PMPCB: variants seen among roughly 807,000 people sequenced by gnomAD.
PMPCB encodes the protein peptidase, mitochondrial processing subunit beta.
PMPCB carries 46 observed loss-of-function variants against 61.5 expected under a neutral mutation model. The observed-to-expected ratio is 0.75, with a 90% CI of 0.59 to 0.96. PMPCB has a LOEUF of 0.96. PMPCB is among the 40% of genes least tolerant of loss of function. The pLI, the probability that PMPCB is intolerant of heterozygous loss-of-function variation, is 0.00. For missense variants in PMPCB, 590 were observed against 602.4 expected, an observed-to-expected ratio of 0.98 and a Z score of 0.22; for synonymous variants, 191 against 201.6, an observed-to-expected ratio of 0.95 and a Z score of 0.44.
downstream of PMPCB, chr7:103,316,620 GT>G: frequency 2.0e-6 from 1 of 503,866 alleles, no homozygotes; most frequent in Non-Finnish European, 3.5e-6. Flanking sequence ...TGAGAAACAA[GT>G]ATTCTGTCAT....
chr7:103,326,463 GAGGGAA>G, intron 12 of PMPCB: 2 of 1,372,442 alleles, frequency 1.5e-6, no homozygotes, highest in South Asian at 1.2e-5. Context: ...ACTATTATCA[GAGGGAA>G]AGAGCAGAAA....
chr7:103,344,185 T>G, the PMPCB span: 1 of 247,084 alleles, frequency 4.0e-6, no homozygotes, highest in East Asian at 8.3e-5. Flanking sequence ...GTAGCAAAGC[T>G]TTGTACGACC....
chr7:103,322,082 C>T (rs1208838785), intron 12 of PMPCB: 1 of 1,593,774 alleles, frequency 6.3e-7, no homozygotes, highest in South Asian at 1.2e-5. Flanking sequence ...CTTGTCTTTG[C>T]TTTAAAAAAA....
At chr7:103,300,579 T>TA (rs1817422701) in intron 4 of PMPCB, among the ~76,000 whole-genome samples, 1 of 152,232 alleles carries the variant, frequency 6.6e-6, no homozygotes, top group Non-Finnish European at 1.5e-5. Context: ...GTTTGTTAGT[T>TA]ACCATGTTTG....
At chr7:103,308,420 G>C (rs1259895941) in intron 7 of PMPCB, among the ~76,000 whole-genome samples, 4 of 152,218 alleles carry the variant, frequency 2.6e-5, no homozygotes, top group African/African-American at 9.6e-5. Flanking sequence ...TTAGGAGTTT[G>C]AGACCAGCCT....
Position 103,311,866 on chromosome 7 carries a change from T to C in PMPCB, c.1299T>C (p.Ile433=). The change falls in exon 11 of 13, where the codon ATT becomes ATC. Residue 433 remains isoleucine, a synonymous_variant. Coordinates refer to ENST00000249269, the MANE Select transcript of PMPCB (RefSeq NM_004279.3). ...AAATGTTATGCTATAATAGAAGGAT[T>C]CCCATCCCTGAGCTTGAAGCAAGAA... The part of the protein sequence containing the change: ...GRQMLCYNRR[I]PIPELEARID... The C allele has an allele frequency of 6.2e-7, 1 of 1,612,742 alleles. No homozygotes were observed. Among genetic ancestry groups the C allele is most frequent in the Admixed American group, 1.7e-5 (1 of 59,932 alleles).
At position 103,313,268 on chromosome 7, in the gene PMPCB, A is replaced by G. The variant is rs1817860036; in HGVS notation, c.*997A>G. On this transcript the variant is annotated 3_prime_UTR_variant, in exon 13 of 13. Coordinates refer to ENST00000249269, the MANE Select transcript of PMPCB (RefSeq NM_004279.3). ...ATATAGCCCTCTGAGTGTTAATAAGAGAAAAAATTTCAGATAGCTCACATC... is the reference window on the plus strand; with the variant it reads ...ATATAGCCCTCTGAGTGTTAATAAGGGAAAAAATTTCAGATAGCTCACATC... 1 of 1,345,398 alleles carries G rather than the reference A, an allele frequency of 7.4e-7. No homozygotes were observed. The highest frequency in any genetic ancestry group is 1.5e-5 in the African/African-American group (1 of 66,538). 83.3% of individuals were successfully genotyped at this position (1,345,398 alleles called of 1,614,324 possible).
chr7:103,329,881 A>G (rs911450584), downstream of PMPCB, among the ~76,000 whole-genome samples: 9 of 152,204 alleles, frequency 5.9e-5, no homozygotes, highest in Non-Finnish European at 8.8e-5. Context: ...TACAAATAAT[A>G]TATTTATTTC....
downstream of PMPCB, among the ~76,000 whole-genome samples, chr7:103,332,294 T>C (rs888112452): frequency 4.6e-5 from 7 of 152,232 alleles, no homozygotes; most frequent in African/African-American, 1.7e-4. Flanking sequence ...CGTGAGCCAC[T>C]GCACCCAGCG....
intron 12 of PMPCB, chr7:103,326,418 G>GGAGGAA (rs1818709898): frequency 3.2e-6 from 3 of 929,320 alleles, no homozygotes; most frequent in Non-Finnish European, 5.0e-6. Context: ...AGGAGGAGGA[G>GGAGGAA]GAGGAAGAGA....
chr7:103,312,405 AC>A lies in PMPCB; in HGVS notation c.*138del. The A allele has an allele frequency of 6.6e-7, 1 of 1,510,892 alleles. No homozygotes were observed. The highest frequency in any genetic ancestry group is 1.3e-5 in the South Asian group (1 of 76,974). The allele number at this position is 1,510,892 out of a possible 1,614,324, so 93.6% of individuals were successfully genotyped here. On this transcript the variant is annotated 3_prime_UTR_variant, in exon 13 of 13. Coordinates refer to ENST00000249269, the MANE Select transcript of PMPCB (RefSeq NM_004279.3). ...CATACTTTCAAAGGATAAAAAGACT[AC>A]CCCTCTGAAGGTTGTTTTGTATTAA...
intron 9 of PMPCB, chr7:103,311,147 T>C (rs1297954645): frequency 6.5e-6 from 1 of 153,618 alleles, no homozygotes; most frequent in Non-Finnish European, 1.4e-5. Flanking sequence ...GTATATTGAG[T>C]CGATAGATGG....
intron 1 of PMPCB, 66 bp downstream of exon 1, chr7:103,297,624 A>G: frequency 1.3e-6 from 2 of 1,599,372 alleles, no homozygotes; most frequent in African/African-American, 1.3e-5. Context: ...CGCACCTGAG[A>G]GTCGGCGCCA....
In PMPCB at chr7:103,299,536, T is replaced by A. The variant is rs763540634; in HGVS notation, c.327+7T>A. ...GGAGCATATGGCTTTCAAGGCAAGT[T>A]GTAAGACTTTACAAAAATGCACTCT... On this transcript the variant is annotated splice_region_variant and intron_variant, in intron 3 of 12. Coordinates refer to ENST00000249269, the MANE Select transcript of PMPCB (RefSeq NM_004279.3). 6.3e-7 allele frequency: 1 copy of A among 1,581,962 alleles called. No homozygotes were observed. The highest frequency in any genetic ancestry group is 2.2e-5 in the East Asian group (1 of 44,668).
chr7:103,316,485 T>C, downstream of PMPCB: 1 of 228,838 alleles, frequency 4.4e-6, no homozygotes, highest in Non-Finnish European at 8.4e-6. Flanking sequence ...AAGCTCCAGC[T>C]TGAGGTGGGA....
chr7:103,343,350 T>G, the PMPCB span, among the ~76,000 whole-genome samples: 2 of 152,134 alleles, frequency 1.3e-5, no homozygotes, highest in African/African-American at 4.8e-5. Context: ...TCTTAAAAAT[T>G]TTAAGAATTC....
downstream of PMPCB, among the ~76,000 whole-genome samples, chr7:103,332,097 C>T (rs1053243493): frequency 3.3e-5 from 5 of 151,444 alleles, no homozygotes; most frequent in Non-Finnish European, 7.4e-5. Flanking sequence ...CTCTGCCTCT[C>T]GGGTTCATGC....
chr7:103,300,262 C>T lies in PMPCB; in HGVS notation c.412C>T (p.Gln138Ter). The change falls in exon 4 of 13, where the codon CAG becomes TAG. Residue 138 changes from glutamine to a stop codon, truncating the protein, a stop_gained. Coordinates refer to ENST00000249269, the MANE Select transcript of PMPCB (RefSeq NM_004279.3). LOFTEE classifies it high-confidence loss of function. ...AHLNAYTSRE[Q>*]TVYYAKAFSK... ...TCTCAATGCCTATACCTCCAGAGAG[C>T]AGACTGTATACTATGCCAAAGCATT... 6.2e-7 allele frequency: 1 copy of T among 1,611,876 alleles called. No individual in the cohort carries two copies. The highest frequency in any genetic ancestry group is 1.7e-5 in the Admixed American group (1 of 59,974).
intron 12 of PMPCB, 37 bp downstream of exon 12, chr7:103,312,168 G>T: frequency 6.2e-7 from 1 of 1,613,942 alleles, no homozygotes. Context: ...CAAAAAGTTG[G>T]CCAAGTACTT....
Sources: allele counts gnomAD v4.1 joint callset (sites outside exome capture counted in the v4.1 genomes callset), GRCh38; gene constraint gnomAD v4.1.1; transcripts MANE v1.5; gene names NCBI Gene and HGNC (gene_info 2026-07-23, HGNC 2026-07-21).